Variants in PTPRD observed in about 807,000 individuals in gnomAD.
PTPRD encodes the protein protein tyrosine phosphatase receptor type D.
Under a neutral mutation model 214.5 loss-of-function variants are expected in PTPRD, and 34 were observed. The observed-to-expected ratio is 0.16, with a 90% CI of 0.12 to 0.21. The LOEUF (loss-of-function observed/expected upper bound fraction) is 0.21. Ranked by LOEUF, PTPRD falls within the 10% of genes least tolerant of loss-of-function variation. PTPRD has a pLI of 1.00. For synonymous variants in PTPRD, 1,128 were observed against 845.7 expected (o/e 1.33, Z -5.79); for missense variants, 2,545 against 2,398.7 (o/e 1.06, Z -1.27).
At chr9:8,604,766 C>T (rs571274340) in intron 14 of PTPRD, among the ~76,000 whole-genome samples, 1 of 152,102 alleles carries the variant, frequency 6.6e-6, no homozygotes, top group South Asian at 2.1e-4. Context: ...AAAGAGAAAT[C>T]AAGTAAGTCT....
intron 36 of PTPRD, among the ~76,000 whole-genome samples, chr9:8,398,225 T>A (rs573801348): frequency 3.3e-5 from 5 of 152,136 alleles, no homozygotes; most frequent in African/African-American, 4.8e-5. Flanking sequence ...TTCTAGGTGC[T>A]TTACATATGT....
chr9:10,586,146 G>A (rs2073815084), intron 2 of PTPRD, among the ~76,000 whole-genome samples: 2 of 151,976 alleles, frequency 1.3e-5, no homozygotes, highest in East Asian at 1.9e-4. Flanking sequence ...AAATTTTTCT[G>A]AGAATCCTGT....
At chr9:9,778,073 A>G (rs1185377453) in intron 5 of PTPRD, among the ~76,000 whole-genome samples, 10 of 152,164 alleles carry the variant, frequency 6.6e-5, no homozygotes, top group Non-Finnish European at 1.5e-5. Flanking sequence ...AGGAAGTGAC[A>G]CTCCCATTGA....
At chr9:8,578,192 G>C (rs57116014) in intron 14 of PTPRD, among the ~76,000 whole-genome samples, 3,687 of 152,184 alleles carry the variant, frequency 0.024, 139 homozygotes, top group East Asian at 0.11. Context: ...ATTGCCAATA[G>C]TTTTCTTATG....
intron 5 of PTPRD, among the ~76,000 whole-genome samples, chr9:9,840,075 T>C (rs2057909309): frequency 6.6e-6 from 1 of 152,096 alleles, no homozygotes; most frequent in Non-Finnish European, 1.5e-5. Flanking sequence ...TCTCGCTCTG[T>C]CACCCAGGCT....
At chr9:10,012,064 A>G (rs2096611795) in intron 4 of PTPRD, among the ~76,000 whole-genome samples, 1 of 151,994 alleles carries the variant, frequency 6.6e-6, no homozygotes, top group African/African-American at 2.4e-5. Context: ...AGGTATAACT[A>G]TTTGTGAAAA....
chr9:10,406,477 C>G (rs2098361270), intron 2 of PTPRD, among the ~76,000 whole-genome samples: 1 of 151,516 alleles, frequency 6.6e-6, no homozygotes, highest in Non-Finnish European at 1.5e-5. Context: ...TATCAAAAAT[C>G]TTGACAACAT....
chr9:9,006,416 C>T (rs1215171583), intron 11 of PTPRD, among the ~76,000 whole-genome samples: 1 of 152,018 alleles, frequency 6.6e-6, no homozygotes, highest in South Asian at 2.1e-4. Flanking sequence ...AGACAAGGCA[C>T]AAATCATTCA....
At chr9:9,721,335 T>C (rs1479066925) in intron 7 of PTPRD, among the ~76,000 whole-genome samples, 4 of 152,088 alleles carry the variant, frequency 2.6e-5, no homozygotes, top group African/African-American at 9.7e-5. Context: ...CTCTTCTAAA[T>C]TTGACAAGGG....
chr9:10,447,302 T>C (rs78458165), intron 2 of PTPRD, among the ~76,000 whole-genome samples: 2,185 of 152,108 alleles, frequency 0.014, 75 homozygotes, highest in African/African-American at 0.047. Context: ...TGGAAGTTAA[T>C]GAGAAGACTC....
chr9:9,946,057 G>GTCACCCTTCCCTTTCCCAC (rs1555374497), intron 4 of PTPRD, among the ~76,000 whole-genome samples: 1 of 151,118 alleles, frequency 6.6e-6, no homozygotes, highest in Non-Finnish European at 1.5e-5. Flanking sequence ...TCCTTTCCCA[G>GTCACCCTTCCCTTTCCCAC]TTGGGAAAGT....
chr9:8,390,482 G>A (rs994922803), intron 36 of PTPRD, among the ~76,000 whole-genome samples: 1 of 152,094 alleles, frequency 6.6e-6, no homozygotes, highest in Admixed American at 6.6e-5. Flanking sequence ...TGAGACATCA[G>A]AACTCCCTTG....
At position 9,593,744 on chromosome 9, in the gene PTPRD, G is replaced by T. The variant is rs113826749; in HGVS notation, c.-286-18963C>A. 4.2e-3 allele frequency among the ~76,000 whole-genome samples: 643 copies of T among 152,106 alleles called. 4 individuals are homozygous for T. Among genetic ancestry groups the T allele is most frequent in the African/African-American group, 0.014 (600 of 41,546 alleles). On this transcript the variant is annotated intron_variant, in intron 7 of 45. Transcript: ENST00000381196. The stretch of plus-strand genomic sequence containing the variant: ...ACACAATGAAGGTCACTGAGGAAAT[G>T]CAGTCATTTTTCACCTGATTATTAG...
Position 8,679,047 on chromosome 9 carries a change from G to A in PTPRD, c.65-42203C>T, listed in dbSNP as rs551086789. ...AGTTAAACAGATGACCCTGTTCGAA[G>A]TACATAGAGGGTTGGGATGGAAACC... On this transcript the variant is annotated intron_variant, in intron 12 of 45. Transcript: ENST00000381196. Among the ~76,000 whole-genome samples, 133 of 152,298 alleles carry A rather than the reference G, an allele frequency of 8.7e-4. 1 individual carries two copies. Among genetic ancestry groups the A allele is most frequent in the African/African-American group, 3.2e-3 (131 of 41,566 alleles).
At chr9:10,487,033 T>G (rs531725314) in intron 2 of PTPRD, among the ~76,000 whole-genome samples, 1 of 152,322 alleles carries the variant, frequency 6.6e-6, no homozygotes, top group South Asian at 2.1e-4. Context: ...TCTTGATTAA[T>G]TGACTTATTT....
chr9:10,464,307 G>T (rs1484229241), intron 2 of PTPRD, among the ~76,000 whole-genome samples: 1 of 152,060 alleles, frequency 6.6e-6, no homozygotes, highest in Non-Finnish European at 1.5e-5. Flanking sequence ...CTCGAACCCG[G>T]AGGCTAAATT....
intron 14 of PTPRD, among the ~76,000 whole-genome samples, chr9:8,607,558 G>A (rs1029376991): frequency 6.6e-6 from 1 of 152,128 alleles, no homozygotes; most frequent in African/African-American, 2.4e-5. Context: ...CAGGAGAATT[G>A]CTTGAGCCCG....
chr9:8,668,494 C>T (rs971375196), intron 12 of PTPRD, among the ~76,000 whole-genome samples: 11 of 152,130 alleles, frequency 7.2e-5, no homozygotes, highest in Non-Finnish European at 4.4e-5. Context: ...CAAAGCGTTC[C>T]AGAAAGTACC....
chr9:8,765,371 G>A (rs563311132), intron 11 of PTPRD, among the ~76,000 whole-genome samples: 1 of 152,112 alleles, frequency 6.6e-6, no homozygotes, highest in Non-Finnish European at 1.5e-5. Context: ...TCCCTCTTGG[G>A]TGCAATCTCC....
Sources: gnomAD v4.1 joint callset for allele counts (sites outside exome capture counted in the v4.1 genomes callset) on GRCh38, gnomAD v4.1.1 for gene constraint, MANE v1.5 for transcripts, NCBI Gene and HGNC (gene_info 2026-07-23, HGNC 2026-07-21) for gene names.